LSAMP: variants seen among roughly 807,000 people sequenced by gnomAD.
The protein encoded by LSAMP is limbic system-associated membrane protein.
A neutral mutation model predicts 38.6 loss-of-function variants in LSAMP; 7 were observed. The observed-to-expected ratio is 0.18, with a 90% CI of 0.10 to 0.34. The LOEUF (loss-of-function observed/expected upper bound fraction) is 0.34. LSAMP is among the 10% of genes least tolerant of loss of function. LSAMP has a pLI of 1.00. For missense variants in LSAMP, 313 were observed against 420.0 expected, an observed-to-expected ratio of 0.75 and a Z score of 2.23; for synonymous variants, 154 against 166.8, an observed-to-expected ratio of 0.92 and a Z score of 0.59.
intron 3 of LSAMP, among the ~76,000 whole-genome samples, chr3:115,935,311 G>A (rs1937661847): frequency 6.6e-6 from 1 of 152,162 alleles, no homozygotes; most frequent in African/African-American, 2.4e-5. Flanking sequence ...GGGATCAGAA[G>A]CCCTGAGGGA....
chr3:115,899,471 AC>A (rs1483755445), intron 3 of LSAMP, among the ~76,000 whole-genome samples: 1 of 152,204 alleles, frequency 6.6e-6, no homozygotes, highest in African/African-American at 2.4e-5. Context: ...AGAGAAAGGT[AC>A]TTTAAAAAAC....
intron 1 of LSAMP, among the ~76,000 whole-genome samples, chr3:116,102,658 C>A (rs1708373297): frequency 6.6e-6 from 1 of 152,214 alleles, no homozygotes; most frequent in Non-Finnish European, 1.5e-5. Context: ...CACACTTGGA[C>A]TTGGACTGAA....
At chr3:116,400,301 G>A (rs1460071350) in intron 1 of LSAMP, among the ~76,000 whole-genome samples, 1 of 151,802 alleles carries the variant, frequency 6.6e-6, no homozygotes, top group Non-Finnish European at 1.5e-5. Context: ...TGCCTTCCAT[G>A]GCTGGCTTGT....
chr3:116,387,819 C>T (rs192051107), intron 1 of LSAMP, among the ~76,000 whole-genome samples: 6 of 152,136 alleles, frequency 3.9e-5, no homozygotes, highest in Non-Finnish European at 5.9e-5. Context: ...TTTTGCCGGG[C>T]GCAGTATCTC....
intron 1 of LSAMP, among the ~76,000 whole-genome samples, chr3:116,316,522 C>T (rs993615869): frequency 2.6e-5 from 4 of 152,076 alleles, no homozygotes; most frequent in Non-Finnish European, 5.9e-5. Context: ...CCTGTAATCC[C>T]AGAACTTTGG....
At chr3:116,294,877 A>C (rs1305384438) in intron 1 of LSAMP, among the ~76,000 whole-genome samples, 1 of 152,208 alleles carries the variant, frequency 6.6e-6, no homozygotes, top group Non-Finnish European at 1.5e-5. Flanking sequence ...TCAATTTGTC[A>C]CCAACTGAAC....
intron 1 of LSAMP, among the ~76,000 whole-genome samples, chr3:116,366,057 A>G (rs2048349181): frequency 6.8e-6 from 1 of 147,904 alleles, no homozygotes; most frequent in African/African-American, 2.5e-5. Flanking sequence ...TGCACAGCAA[A>G]AGAAACTATC....
chr3:116,432,582 T>C (rs1004489661), intron 1 of LSAMP, among the ~76,000 whole-genome samples: 2 of 152,004 alleles, frequency 1.3e-5, no homozygotes, highest in African/African-American at 2.4e-5. Context: ...TTTAAAAAAA[T>C]TGTGCATATT....
At chr3:115,957,325 G>C (rs181449141) in intron 3 of LSAMP, among the ~76,000 whole-genome samples, 3 of 152,270 alleles carry the variant, frequency 2.0e-5, no homozygotes, top group Non-Finnish European at 4.4e-5. Flanking sequence ...TTGAAAAACA[G>C]AGCCTGTTTG....
At chr3:115,924,433 G>A (rs1435086557) in intron 3 of LSAMP, among the ~76,000 whole-genome samples, 1 of 152,162 alleles carries the variant, frequency 6.6e-6, no homozygotes, top group Admixed American at 6.5e-5. Flanking sequence ...TAGGAAAACA[G>A]TGAATACATA....
chr3:116,392,548 T>C (rs2048717662), intron 1 of LSAMP, among the ~76,000 whole-genome samples: 1 of 152,226 alleles, frequency 6.6e-6, no homozygotes, highest in African/African-American at 2.4e-5. Flanking sequence ...GAGGACAGCC[T>C]GGTGCTGGCC....
chr3:116,346,359 C>T (rs1171258986), intron 1 of LSAMP, among the ~76,000 whole-genome samples: 2 of 143,358 alleles, frequency 1.4e-5, no homozygotes, highest in Non-Finnish European at 3.0e-5. Flanking sequence ...GACAGAGTCT[C>T]ATTCTGTTGG....
chr3:115,861,368 G>T (rs1381996708), intron 3 of LSAMP, among the ~76,000 whole-genome samples: 2 of 151,978 alleles, frequency 1.3e-5, no homozygotes, highest in Non-Finnish European at 2.9e-5. Context: ...GCCTTCCTGT[G>T]AATTACTGTG....
chr3:115,890,230 T>C (rs2107456097), intron 3 of LSAMP, among the ~76,000 whole-genome samples: 1 of 152,090 alleles, frequency 6.6e-6, no homozygotes, highest in African/African-American at 2.4e-5. Context: ...GTGATCTCTC[T>C]GGGACATTTT....
At chr3:116,175,532 A>C (rs1248866676) in intron 1 of LSAMP, among the ~76,000 whole-genome samples, 4 of 152,056 alleles carry the variant, frequency 2.6e-5, no homozygotes, top group Admixed American at 2.6e-4. Flanking sequence ...CATCCAGAGC[A>C]GTGCTGGGAA....
At chr3:115,844,653 A>G (rs1299764283) in intron 4 of LSAMP, among the ~76,000 whole-genome samples, 1 of 152,172 alleles carries the variant, frequency 6.6e-6, no homozygotes, top group Non-Finnish European at 1.5e-5. Flanking sequence ...ATACTTTGCC[A>G]ATAGTCACAT....
intron 3 of LSAMP, among the ~76,000 whole-genome samples, chr3:116,000,119 A>G (rs946905686): frequency 6.6e-6 from 1 of 152,016 alleles, no homozygotes; most frequent in Non-Finnish European, 1.5e-5. Context: ...TTCAAGCCAG[A>G]TTTTCTCTCT....
intron 2 of LSAMP, among the ~76,000 whole-genome samples, chr3:116,039,173 C>G (rs779978314): frequency 2.0e-5 from 3 of 152,176 alleles, no homozygotes; most frequent in Non-Finnish European, 4.4e-5. Flanking sequence ...CATGTTGAAA[C>G]AAATCTTTTG....
intron 3 of LSAMP, among the ~76,000 whole-genome samples, chr3:115,862,316 C>T (rs1306029181): frequency 1.3e-5 from 2 of 152,204 alleles, no homozygotes; most frequent in Admixed American, 1.3e-4. Context: ...ATGTGTTAAA[C>T]TCAGCAGGGT....
Sources: allele counts gnomAD v4.1 joint callset (sites outside exome capture counted in the v4.1 genomes callset), GRCh38; gene constraint gnomAD v4.1.1; transcripts MANE v1.5; gene names NCBI Gene and HGNC (gene_info 2026-07-23, HGNC 2026-07-21).